The following KDM1B variants were observed in gnomAD, a reference collection of about 807,000 sequenced individuals.
KDM1B encodes lysine-specific histone demethylase 2.
In KDM1B, 63 loss-of-function variants were observed where a neutral mutation model predicts 107.4. The ratio of observed to expected loss-of-function variants is 0.59; its 90% CI spans 0.48 to 0.72. The LOEUF (loss-of-function observed/expected upper bound fraction) is 0.72, where lower values mean the gene tolerates loss of function less well. Ranked by LOEUF, KDM1B falls within the 30% of genes least tolerant of loss-of-function variation. The probability of loss-of-function intolerance (pLI) is 0.00; values close to 1 mark genes in which losing one functional copy is unlikely to be tolerated. For missense variants in KDM1B, 749 were observed against 1,020.8 expected (o/e 0.73, Z 3.63); for synonymous variants, 363 against 363.9 (o/e 1.00, Z 0.03).
chr6:18,163,282 A>G (rs914025456), intron 5 of KDM1B, among the ~76,000 whole-genome samples: 14 of 151,834 alleles, frequency 9.2e-5, no homozygotes, highest in African/African-American at 3.4e-4. Context: ...CTGGTCTCAA[A>G]CTCCTGGGCT....
intron 9 of KDM1B, 83 bp downstream of exon 9, chr6:18,188,085 A>AT (rs1376210444): frequency 3.1e-5 from 40 of 1,273,284 alleles, no homozygotes; most frequent in Middle Eastern, 2.5e-4. Context: ...AACGCAAAGG[A>AT]TTTTTTTTAA....
intron 15 of KDM1B, among the ~76,000 whole-genome samples, chr6:18,207,038 TATTC>T (rs1788421865): frequency 6.6e-6 from 1 of 152,320 alleles, no homozygotes; most frequent in East Asian, 1.9e-4. Context: ...GCAGGGTTTC[TATTC>T]TGTAGAGCTT....
At chr6:18,185,671 C>A in intron 7 of KDM1B, 101 bp from the exon 8 acceptor site, 1 of 1,070,604 alleles carries the variant, frequency 9.3e-7, no homozygotes, top group Non-Finnish European at 1.4e-6. Context: ...TTTTCTTTGC[C>A]AGCCTGATAG....
At position 18,161,651 on chromosome 6, in the gene KDM1B, C is replaced by T. The variant is rs116205489; in HGVS notation, c.215+197C>T. On this transcript the variant is annotated intron_variant, in intron 4 of 21. Transcript: ENST00000650836. ...GCCCTCCCTACTTATCCCTAGCCTACTGGGAGAGGCCACACCCATGTCAAT... is the reference window on the plus strand; with the variant it reads ...GCCCTCCCTACTTATCCCTAGCCTATTGGGAGAGGCCACACCCATGTCAAT... Among the ~76,000 whole-genome samples, 463 of 152,214 alleles carry T rather than the reference C, an allele frequency of 3.0e-3. 1 individual carries two copies. The highest frequency in any genetic ancestry group is 0.01 in the African/African-American group (417 of 41,564).
intron 20 of KDM1B, 32 bp downstream of exon 20, chr6:18,215,161 C>G (rs755493135): frequency 6.3e-7 from 1 of 1,599,060 alleles, no homozygotes; most frequent in Non-Finnish European, 8.5e-7. Flanking sequence ...TTGAAAGGGG[C>G]AAGCCGTGCT....
At chr6:18,166,204 A>G in intron 5 of KDM1B, 63 bp from the exon 6 acceptor site, 1 of 767,454 alleles carries the variant, frequency 1.3e-6, no homozygotes, top group Admixed American at 2.1e-5. Context: ...CCTGTTTTGA[A>G]AAACCTGATT....
chr6:18,210,250 A>G (rs1003440111), intron 17 of KDM1B, among the ~76,000 whole-genome samples: 2 of 150,790 alleles, frequency 1.3e-5, no homozygotes, highest in African/African-American at 4.9e-5. Context: ...GCTTCCATTG[A>G]CATCTCGCTT....
intron 6 of KDM1B, among the ~76,000 whole-genome samples, chr6:18,170,531 G>A (rs1785586556): frequency 6.6e-6 from 1 of 151,764 alleles, no homozygotes; most frequent in South Asian, 2.1e-4. Context: ...CCGGGCTGGA[G>A]TGCAGTGGTA....
rs1428662120 is a variant in KDM1B, at chr6:18,223,001, G to A, written c.*1009G>A. On this transcript the variant is annotated 3_prime_UTR_variant, in exon 22 of 22. Coordinates refer to ENST00000650836, the MANE Select transcript of KDM1B (RefSeq NM_001364614.2). Reference sequence around the variant, plus strand: ...TATAAGCTATATTTTAAAGGCCTAAGAACATGGCAAGTATTTACTTTTATC... The same window carrying A: ...TATAAGCTATATTTTAAAGGCCTAAAAACATGGCAAGTATTTACTTTTATC... The A allele has an allele frequency of 1.3e-5, 2 of 152,462 alleles. No individual in the cohort carries two copies. Among genetic ancestry groups the A allele is most frequent in the African/African-American group, 4.8e-5 (2 of 41,384 alleles). 9.4% of individuals were successfully genotyped at this position (152,462 alleles called of 1,614,324 possible).
chr6:18,180,427 T>A (rs1786379802), intron 7 of KDM1B, among the ~76,000 whole-genome samples: 1 of 152,172 alleles, frequency 6.6e-6, no homozygotes, highest in South Asian at 2.1e-4. Flanking sequence ...GCAGACTATT[T>A]TAATAGATTC....
intron 12 of KDM1B, among the ~76,000 whole-genome samples, chr6:18,198,159 G>A (rs1489284814): frequency 6.6e-6 from 1 of 152,048 alleles, no homozygotes; most frequent in Non-Finnish European, 1.5e-5. Flanking sequence ...GTCTCCCAAA[G>A]TGCTGGGATT....
intron 15 of KDM1B, among the ~76,000 whole-genome samples, chr6:18,207,096 A>G (rs2150998341): frequency 6.6e-6 from 1 of 152,316 alleles, no homozygotes; most frequent in African/African-American, 2.4e-5. Context: ...TTGATCAAAT[A>G]CAGTTTTACC....
In KDM1B at chr6:18,213,239, C is replaced by G. The variant is rs1217764665; in HGVS notation, c.1984-417C>G. Among the ~76,000 whole-genome samples, 2 of 152,052 alleles carry G rather than the reference C, an allele frequency of 1.3e-5. No individual in the cohort carries two copies. Among genetic ancestry groups the G allele is most frequent in the Admixed American group, 1.3e-4 (2 of 15,260 alleles). On this transcript the variant is annotated intron_variant, in intron 18 of 21. Coordinates refer to ENST00000650836, the MANE Select transcript of KDM1B (RefSeq NM_001364614.2). The surrounding 1 kb of genome is among the most constrained non-coding windows in gnomAD (Gnocchi z 5.9). ...ATTACCTGAGGTCAGGAGTTCAAGA[C>G]CAGCCTGACCAACATGGTGAAACCT...
rs570376112 is a variant in KDM1B, at chr6:18,156,307, C to G, written c.-14+381C>G. ...ACAGGTGAAAGAGGAAGGAAGAGGC[C>G]GACCCAGCTGTAGAAAGTTGGGGTT... On this transcript the variant is annotated intron_variant, in intron 2 of 21. Coordinates refer to ENST00000650836, the MANE Select transcript of KDM1B (RefSeq NM_001364614.2). 3.9e-5 allele frequency among the ~76,000 whole-genome samples: 6 copies of G among 152,200 alleles called. No homozygotes were observed. In the East Asian group the frequency reaches 1.2e-3, roughly 29 times the overall value.
At chr6:18,174,173 A>G (rs1785841778) in intron 7 of KDM1B, among the ~76,000 whole-genome samples, 4 of 152,148 alleles carry the variant, frequency 2.6e-5, no homozygotes, top group Non-Finnish European at 5.9e-5. Flanking sequence ...TTTTTACCCA[A>G]TGCTCTGCTG....
rs759005509 is a variant in KDM1B, at chr6:18,207,389, G to A, written c.1660-9G>A. The A allele has an allele frequency of 2.5e-6, 4 of 1,613,894 alleles. No homozygotes were observed. The East Asian group carries it at 6.7e-5, about 27-fold the overall frequency. Reference sequence around the variant, plus strand: ...CACTGCTGTGTCCCCAACCTCTCTTGTTTCCCAGGTATCTGCTCGCTCGTG... The same window carrying A: ...CACTGCTGTGTCCCCAACCTCTCTTATTTCCCAGGTATCTGCTCGCTCGTG... On this transcript the variant is annotated splice_polypyrimidine_tract_variant and intron_variant, in intron 15 of 21. Transcript: ENST00000650836.
intron 21 of KDM1B, among the ~76,000 whole-genome samples, chr6:18,220,477 C>G (rs1266877864): frequency 6.6e-6 from 1 of 152,090 alleles, no homozygotes; most frequent in Admixed American, 6.6e-5. Flanking sequence ...ACCTGGGAGG[C>G]GGAGGTTGCA....
chr6:18,219,285 T>C (rs950045703), intron 21 of KDM1B, among the ~76,000 whole-genome samples: 2 of 152,194 alleles, frequency 1.3e-5, no homozygotes, highest in African/African-American at 4.8e-5. Context: ...TGTTGAAAAA[T>C]GTTTTGCTAT....
At chr6:18,198,310 G>A (rs892919775) in intron 12 of KDM1B, among the ~76,000 whole-genome samples, 1 of 151,884 alleles carries the variant, frequency 6.6e-6, no homozygotes, top group African/African-American at 2.4e-5. Flanking sequence ...TATTCCTTGT[G>A]TAAAAAAGTT....
Sources: gnomAD v4.1 joint callset for allele counts (sites outside exome capture counted in the v4.1 genomes callset) on GRCh38, gnomAD v4.1.1 for gene constraint, Gnocchi (gnomAD v3.1) non-coding constraint, MANE v1.5 for transcripts, NCBI Gene and HGNC (gene_info 2026-07-23, HGNC 2026-07-21) for gene names.